Variants in RASSF8 observed in about 807,000 individuals in gnomAD.
RASSF8 encodes the protein Ras association domain family member 8.
A neutral mutation model predicts 48.5 loss-of-function variants in RASSF8; 22 were observed. That is an observed-to-expected ratio of 0.45 (90% CI 0.32 to 0.65). The LOEUF is 0.65. Ranked by LOEUF, RASSF8 falls within the 30% of genes least tolerant of loss-of-function variation. The pLI is 0.03. For synonymous variants in RASSF8, 127 were observed against 171.5 expected, an observed-to-expected ratio of 0.74 and a Z score of 2.03; for missense variants, 418 against 489.2, an observed-to-expected ratio of 0.85 and a Z score of 1.37.
Position 26,019,370 on chromosome 12 carries a change from G to A in RASSF8, c.-109+24240G>A, listed in dbSNP as rs117616654. On this transcript the variant is annotated intron_variant, in intron 2 of 5. Coordinates refer to ENST00000689635, the MANE Select transcript of RASSF8 (RefSeq NM_001394098.1). Reference sequence around the variant, plus strand: ...TAAATAAGTATATATTTCCCAAATCGCCTGCCTTAATAGGTACAGCACCCA... The same window carrying A: ...TAAATAAGTATATATTTCCCAAATCACCTGCCTTAATAGGTACAGCACCCA... 7.2e-4 allele frequency among the ~76,000 whole-genome samples: 110 copies of A among 152,038 alleles called. 1 individual carries two copies. In the East Asian group the frequency reaches 0.02, roughly 28 times the overall value.
intron 1 of RASSF8, among the ~76,000 whole-genome samples, chr12:25,974,708 G>T (rs907181469): frequency 1.3e-5 from 2 of 152,122 alleles, no homozygotes; most frequent in African/African-American, 4.8e-5. Flanking sequence ...TACATTTATG[G>T]TAGTATTGTT....
At chr12:26,060,119 G>T (rs570115391) in intron 3 of RASSF8, among the ~76,000 whole-genome samples, 2 of 152,074 alleles carry the variant, frequency 1.3e-5, no homozygotes, top group Non-Finnish European at 2.9e-5. Flanking sequence ...GGATGGTCTC[G>T]ATCTCCTGAC....
exon 6 of RASSF8, chr12:26,079,151 C>A: frequency 2.0e-6 from 2 of 986,432 alleles, no homozygotes; most frequent in South Asian, 1.7e-5. Flanking sequence ...TCCTGCACAA[C>A]AAAGGAAACG....
At chr12:26,037,628 G>C (rs1335162020) in intron 2 of RASSF8, among the ~76,000 whole-genome samples, 1 of 152,124 alleles carries the variant, frequency 6.6e-6, no homozygotes, top group East Asian at 1.9e-4. Flanking sequence ...GATTGGCATA[G>C]AAACAACAAG....
intron 1 of RASSF8, among the ~76,000 whole-genome samples, chr12:25,992,890 C>G (rs1458064360): frequency 6.6e-6 from 1 of 152,160 alleles, no homozygotes; most frequent in Non-Finnish European, 1.5e-5. Flanking sequence ...AGTTACCTGA[C>G]AAAAGAAGGT....
intron 2 of RASSF8, among the ~76,000 whole-genome samples, chr12:26,034,269 A>G (rs1360611902): frequency 6.6e-6 from 1 of 152,104 alleles, no homozygotes; most frequent in Admixed American, 6.5e-5. Flanking sequence ...AATGTCCCTA[A>G]GTCCACAGGG....
intron 2 of RASSF8, among the ~76,000 whole-genome samples, chr12:26,047,264 G>A (rs1943391910): frequency 6.6e-6 from 1 of 152,094 alleles, no homozygotes; most frequent in Admixed American, 6.5e-5. Flanking sequence ...TGCCAGGAAG[G>A]TCAAATTGTA....
At chr12:26,043,894 T>C (rs1234400829) in intron 2 of RASSF8, among the ~76,000 whole-genome samples, 2 of 152,168 alleles carry the variant, frequency 1.3e-5, no homozygotes, top group Non-Finnish European at 2.9e-5. Context: ...ATAAAGATCA[T>C]AATAATAGTT....
In RASSF8 at chr12:26,071,010, G is replaced by C. The variant is rs1943987918; in HGVS notation, c.*2192G>C. On this transcript the variant is annotated 3_prime_UTR_variant, in exon 6 of 6. Transcript: ENST00000689635. The stretch of plus-strand genomic sequence containing the variant: ...GTTAACCTCTCTGACAACTTCATCA[G>C]AATTTCCAAGCTGCCAAATAATCTT... The C allele has an allele frequency of 1.0e-6, 1 of 985,218 alleles. No individual in the cohort carries two copies. Among genetic ancestry groups the C allele is most frequent in the African/African-American group, 1.7e-5 (1 of 57,346 alleles). The allele number at this position is 985,218 out of a possible 1,614,324, so 61.0% of individuals were successfully genotyped here. A position where few individuals can be genotyped will look rare whatever the true frequency, so the allele number is the denominator to read the frequency against.
intron 2 of RASSF8, among the ~76,000 whole-genome samples, chr12:26,040,621 C>G (rs748177694): frequency 1.3e-5 from 2 of 152,128 alleles, no homozygotes; most frequent in Non-Finnish European, 2.9e-5. Context: ...AACATCTGTC[C>G]CATGCCACAC....
intron 1 of RASSF8, among the ~76,000 whole-genome samples, chr12:25,974,506 T>A (rs1215081364): frequency 1.3e-5 from 2 of 152,136 alleles, no homozygotes; most frequent in Non-Finnish European, 2.9e-5. Context: ...CCTTTTTTTT[T>A]TTTTTTTAAG....
chr12:26,079,184 C>T (rs768027780), exon 6 of RASSF8: 25 of 698,594 alleles, frequency 3.6e-5, no homozygotes, highest in Non-Finnish European at 5.2e-5. Flanking sequence ...AAAAGGTGGA[C>T]TGTAGATTGG....
chr12:25,969,685 G>A (rs2136853510), intron 1 of RASSF8, among the ~76,000 whole-genome samples: 1 of 152,218 alleles, frequency 6.6e-6, no homozygotes, highest in East Asian at 1.9e-4. Flanking sequence ...TTCCATCCTG[G>A]AACTTTCCAA....
At chr12:26,054,518 G>T (rs1943559734) in intron 2 of RASSF8, among the ~76,000 whole-genome samples, 1 of 152,174 alleles carries the variant, frequency 6.6e-6, no homozygotes, top group African/African-American at 2.4e-5. Flanking sequence ...GAAACTGTTG[G>T]TCGTCAAAGG....
At chr12:25,990,745 A>G (rs1941995117) in intron 1 of RASSF8, among the ~76,000 whole-genome samples, 2 of 152,252 alleles carry the variant, frequency 1.3e-5, no homozygotes, top group African/African-American at 4.8e-5. Context: ...ATTAGACAAC[A>G]AAAATTTAGG....
chr12:25,972,978 CCAAGGCTGT>C (rs1234913787), intron 1 of RASSF8, among the ~76,000 whole-genome samples: 1 of 152,052 alleles, frequency 6.6e-6, no homozygotes. Flanking sequence ...TTTCTGGCAC[CCAAGGCTGT>C]GTGATTCATT....
intron 2 of RASSF8, among the ~76,000 whole-genome samples, chr12:26,008,941 CAGA>C (rs1942458006): frequency 1.3e-5 from 2 of 152,074 alleles, no homozygotes; most frequent in Admixed American, 1.3e-4. Context: ...GCCAAATGAG[CAGA>C]TATATCTGTA....
At chr12:26,055,635 C>T (rs1943586120) in intron 3 of RASSF8, among the ~76,000 whole-genome samples, 189 bp downstream of exon 3, 1 of 152,148 alleles carries the variant, frequency 6.6e-6, no homozygotes, top group Admixed American at 6.6e-5. Flanking sequence ...TTCTCTGACA[C>T]CCCTAGATTT....
Position 26,047,192 on chromosome 12 carries a change from C to T in RASSF8, c.-108-8044C>T, listed in dbSNP as rs576232961. ...GCTTTTTATGTTCCTTTTTATAATA[C>T]TGCAGCAAGAAATGGAGCCCAATGG... On this transcript the variant is annotated intron_variant, in intron 2 of 5. Coordinates refer to ENST00000689635, the MANE Select transcript of RASSF8 (RefSeq NM_001394098.1). 3.3e-5 allele frequency among the ~76,000 whole-genome samples: 5 copies of T among 152,228 alleles called. No individual in the cohort carries two copies. In the South Asian group the frequency reaches 1.0e-3, roughly 32 times the overall value.
Sources: allele counts gnomAD v4.1 joint callset (sites outside exome capture counted in the v4.1 genomes callset), GRCh38; gene constraint gnomAD v4.1.1; transcripts MANE v1.5; gene names NCBI Gene and HGNC (gene_info 2026-07-23, HGNC 2026-07-21).